Variants in GRIN2A observed in about 807,000 individuals in gnomAD.
GRIN2A encodes the protein glutamate receptor ionotropic, NMDA 2A.
A neutral mutation model predicts 113.4 loss-of-function variants in GRIN2A; 22 were observed. The observed-to-expected ratio is 0.19, with a 90% CI of 0.14 to 0.28. The LOEUF is 0.28. Among genes scored for constraint, GRIN2A ranks in the 10% least tolerant of loss-of-function variants. The probability of loss-of-function intolerance (pLI) is 1.00; values close to 1 mark genes in which losing one functional copy is unlikely to be tolerated. For missense variants in GRIN2A, 1,502 were observed against 1,887.0 expected, an observed-to-expected ratio of 0.80 and a Z score of 3.78; for synonymous variants, 827 against 738.4, an observed-to-expected ratio of 1.12 and a Z score of -1.94.
At chr16:9,784,138 AG>A (rs1567294133) in intron 11 of GRIN2A, among the ~76,000 whole-genome samples, 1 of 152,304 alleles carries the variant, frequency 6.6e-6, no homozygotes, top group South Asian at 2.1e-4. Flanking sequence ...TTTTTTAAAA[AG>A]AATTATATGG....
chr16:10,084,279 T>C (rs1467472469), intron 2 of GRIN2A, among the ~76,000 whole-genome samples: 2 of 152,210 alleles, frequency 1.3e-5, no homozygotes, highest in African/African-American at 2.4e-5. Context: ...AAAACAGGCA[T>C]AGTCTCTGCC....
intron 2 of GRIN2A, among the ~76,000 whole-genome samples, chr16:10,045,132 C>T (rs189891958): frequency 3.3e-5 from 5 of 152,242 alleles, no homozygotes; most frequent in South Asian, 2.1e-4. Context: ...GGTGACAGTT[C>T]CTTGCCAATT....
chr16:9,865,765 T>C (rs1378401776), intron 4 of GRIN2A, among the ~76,000 whole-genome samples: 6 of 152,170 alleles, frequency 3.9e-5, no homozygotes, highest in Non-Finnish European at 8.8e-5. Flanking sequence ...AAACCTGGGG[T>C]CAGCATACCA....
At chr16:9,968,268 GTA>G (rs1254817501) in intron 2 of GRIN2A, among the ~76,000 whole-genome samples, 2 of 66,284 alleles carry the variant, frequency 3.0e-5, no homozygotes, top group African/African-American at 1.6e-4. Context: ...TGACTTGTAT[GTA>G]TGTATGTATG....
chr16:10,164,257 T>C (rs2049862314), intron 2 of GRIN2A, among the ~76,000 whole-genome samples: 1 of 152,258 alleles, frequency 6.6e-6, no homozygotes, highest in Non-Finnish European at 1.5e-5. Flanking sequence ...CCACTGACTC[T>C]GTACAGAACC....
intron 2 of GRIN2A, among the ~76,000 whole-genome samples, chr16:9,977,461 T>G (rs564857189): frequency 6.6e-6 from 1 of 152,326 alleles, no homozygotes; most frequent in African/African-American, 2.4e-5. Flanking sequence ...TAATTATAAT[T>G]AAAGTTAATT....
chr16:10,060,602 A>G (rs1596470310), intron 2 of GRIN2A, among the ~76,000 whole-genome samples: 1 of 152,194 alleles, frequency 6.6e-6, no homozygotes, highest in African/African-American at 2.4e-5. Flanking sequence ...TTGATCTTCA[A>G]TGTATCATTT....
intron 2 of GRIN2A, among the ~76,000 whole-genome samples, chr16:10,118,324 G>A (rs544356964): frequency 2.0e-5 from 3 of 152,122 alleles, no homozygotes; most frequent in East Asian, 3.9e-4. Flanking sequence ...TATATCTCTG[G>A]CTAATAAAGG....
intron 2 of GRIN2A, chr16:10,171,454 T>C (rs1427016277): frequency 6.6e-6 from 1 of 152,238 alleles, no homozygotes; most frequent in African/African-American, 2.4e-5. Flanking sequence ...GTCAATGAGA[T>C]AGTCTTCTCC....
intron 2 of GRIN2A, among the ~76,000 whole-genome samples, chr16:9,998,016 C>T (rs1382338400): frequency 1.3e-5 from 2 of 152,178 alleles, no homozygotes; most frequent in African/African-American, 4.8e-5. Flanking sequence ...GTACCTACTA[C>T]ATTTATTTAT....
intron 2 of GRIN2A, among the ~76,000 whole-genome samples, chr16:10,094,119 G>A (rs188043880): frequency 1.7e-4 from 26 of 152,330 alleles, no homozygotes; most frequent in Non-Finnish European, 1.5e-5. Flanking sequence ...TCTCTGCTCA[G>A]CACTAAGCCA....
chr16:10,110,232 G>C (rs1037254355), intron 2 of GRIN2A, among the ~76,000 whole-genome samples: 3 of 152,190 alleles, frequency 2.0e-5, no homozygotes, highest in Non-Finnish European at 2.9e-5. Flanking sequence ...GTAAGAAAGA[G>C]CTTGGCAAAT....
intron 2 of GRIN2A, among the ~76,000 whole-genome samples, chr16:9,993,306 T>C (rs1235252212): frequency 6.6e-6 from 1 of 151,992 alleles, no homozygotes. Context: ...TCACACTGTT[T>C]TGGGAGGCTG....
At chr16:9,803,497 G>A (rs146756005) in intron 10 of GRIN2A, among the ~76,000 whole-genome samples, 1 of 151,942 alleles carries the variant, frequency 6.6e-6, no homozygotes, top group East Asian at 1.9e-4. Context: ...TATTATATAA[G>A]TAAAGTATGT....
chr16:9,991,966 T>C (rs910892848), intron 2 of GRIN2A, among the ~76,000 whole-genome samples: 2 of 152,140 alleles, frequency 1.3e-5, no homozygotes, highest in Admixed American at 6.6e-5. Context: ...GCTTAAAACC[T>C]AGATGATGGG....
In GRIN2A at chr16:10,095,226, C is replaced by G. The variant is rs1044167819; in HGVS notation, c.414+84772G>C. ...CAGCTCCCTGATCTTGGACTTCCAG[C>G]TTTTAGAACCATGAAAAAAATAAAT... On this transcript the variant is annotated intron_variant, in intron 2 of 12. Coordinates refer to ENST00000330684, the MANE Select transcript of GRIN2A (RefSeq NM_001134407.3). Among the ~76,000 whole-genome samples, 4 of 152,122 alleles carry G rather than the reference C, an allele frequency of 2.6e-5. No individual in the cohort carries two copies. The East Asian group carries it at 7.7e-4, about 29-fold the overall frequency.
intron 2 of GRIN2A, among the ~76,000 whole-genome samples, chr16:10,130,744 C>T (rs1009351982): frequency 1.3e-5 from 2 of 152,196 alleles, no homozygotes; most frequent in Admixed American, 6.5e-5. Context: ...TGCAACTTCT[C>T]GTCTCCAGCC....
At chr16:9,817,798 T>C (rs2042212571) in intron 10 of GRIN2A, among the ~76,000 whole-genome samples, 1 of 152,180 alleles carries the variant, frequency 6.6e-6, no homozygotes, top group Admixed American at 6.5e-5. Flanking sequence ...TGCACGTGGC[T>C]TTGCTAGGCA....
chr16:9,910,107 T>C (rs1181083426), intron 3 of GRIN2A, among the ~76,000 whole-genome samples: 3 of 152,222 alleles, frequency 2.0e-5, no homozygotes, highest in African/African-American at 7.2e-5. Flanking sequence ...CAAATGTCTG[T>C]TGATGGACAT....
Sources: allele counts gnomAD v4.1 joint callset (sites outside exome capture counted in the v4.1 genomes callset), GRCh38; gene constraint gnomAD v4.1.1; transcripts MANE v1.5; gene names NCBI Gene and HGNC (gene_info 2026-07-23, HGNC 2026-07-21).